Variants in ZNF653 observed in about 807,000 individuals in gnomAD.
ZNF653 encodes 67 kDa zinc finger protein.
ZNF653 carries 37 observed loss-of-function variants against 59.9 expected under a neutral mutation model. That is an observed-to-expected ratio of 0.62 (90% confidence interval 0.48 to 0.81). ZNF653 has a LOEUF of 0.81. ZNF653 is among the 40% of genes least tolerant of loss of function. ZNF653 has a pLI of 0.00. For synonymous variants in ZNF653, 435 were observed against 371.8 expected, an observed-to-expected ratio of 1.17 and a Z score of -1.96; for missense variants, 808 against 881.1, an observed-to-expected ratio of 0.92 and a Z score of 1.05.
At chr19:11,503,773 T>A (rs1327809204) in intron 1 of ZNF653, among the ~76,000 whole-genome samples, 1 of 152,076 alleles carries the variant, frequency 6.6e-6, no homozygotes, top group Non-Finnish European at 1.5e-5. Flanking sequence ...GCCACTGTAC[T>A]CTGGCCTGGG....
chr19:11,498,687 G>A (rs987897353), intron 1 of ZNF653, among the ~76,000 whole-genome samples: 1 of 151,792 alleles, frequency 6.6e-6, no homozygotes, highest in Non-Finnish European at 1.5e-5. Context: ...CAGGTGATCC[G>A]CCCACCTCAG....
intron 1 of ZNF653, among the ~76,000 whole-genome samples, chr19:11,501,159 A>C (rs1971639509): frequency 6.7e-6 from 1 of 148,624 alleles, no homozygotes. Flanking sequence ...CTTCCCCACC[A>C]GCCCCTTCCC....
chr19:11,489,418 C>T (rs10412897), intron 3 of ZNF653, among the ~76,000 whole-genome samples: 1,934 of 152,218 alleles, frequency 0.013, 37 homozygotes, highest in African/African-American at 0.044. Context: ...AGGCTGATCT[C>T]GAACTTCTGA....
intron 3 of ZNF653, among the ~76,000 whole-genome samples, chr19:11,494,581 T>C (rs1174912801): frequency 2.6e-5 from 4 of 151,848 alleles, no homozygotes; most frequent in African/African-American, 9.7e-5. Flanking sequence ...TCCCAGCTAC[T>C]AGGGAGGCTG....
chr19:11,490,885 G>A (rs1382065449), intron 3 of ZNF653, among the ~76,000 whole-genome samples: 4 of 152,126 alleles, frequency 2.6e-5, no homozygotes, highest in Admixed American at 6.5e-5. Flanking sequence ...CACTGCTCAC[G>A]GGTGTCCCTG....
At chr19:11,490,590 A>T (rs1387126013) in intron 3 of ZNF653, among the ~76,000 whole-genome samples, 1 of 151,436 alleles carries the variant, frequency 6.6e-6, no homozygotes, top group Non-Finnish European at 1.5e-5. Flanking sequence ...ATGGGTTTTC[A>T]TCATGTTGGT....
chr19:11,488,002 T>TTTATTTATTTATTTATTTATTTATTTA, intron 3 of ZNF653, 99 bp from the exon 4 acceptor site: 1 of 921,018 alleles, frequency 1.1e-6, no homozygotes, highest in African/African-American at 8.5e-5. Context: ...TTATTTATTT[T>TTTATTTATTTATTTATTTATTTATTTA]TTTGAGACAG....
At chr19:11,503,049 G>A (rs1003344339) in intron 1 of ZNF653, among the ~76,000 whole-genome samples, 1 of 148,558 alleles carries the variant, frequency 6.7e-6, no homozygotes, top group Non-Finnish European at 1.5e-5. Flanking sequence ...AAAAAAAGGT[G>A]GGGGGGGCAT....
At position 11,495,035 on chromosome 19, in the gene ZNF653, A is replaced by C. The variant is rs142120244; in HGVS notation, c.559+915T>G. On this transcript the variant is annotated intron_variant, in intron 3 of 8. Transcript: ENST00000293771. This position sits in a 1 kb window ranked among gnomAD's most constrained non-coding sequence, Gnocchi z 4.9. ...GTCGTTGGCGGGGGCGCCCACCCGGAACACCTCTCGCCCCCGGCTTCCCCT... is the reference window on the plus strand; with the variant it reads ...GTCGTTGGCGGGGGCGCCCACCCGGCACACCTCTCGCCCCCGGCTTCCCCT... 2.7e-3 allele frequency among the ~76,000 whole-genome samples: 414 copies of C among 152,224 alleles called. 3 individuals carry two copies. In the Middle Eastern group the frequency reaches 0.031, roughly 11 times the overall value.
At chr19:11,489,449 C>T (rs577164967) in intron 3 of ZNF653, among the ~76,000 whole-genome samples, 2 of 152,182 alleles carry the variant, frequency 1.3e-5, no homozygotes, top group African/African-American at 4.8e-5. Flanking sequence ...TCTGCCCGCC[C>T]GGGCCTCCCA....
rs775971221 is a variant in ZNF653, at chr19:11,487,052, G to A, written c.1278C>T (p.Asp426=). 1.1e-5 allele frequency: 18 copies of A among 1,613,978 alleles called. No individual in the cohort carries two copies. The East Asian group carries it at 2.2e-4, about 20-fold the overall frequency. The change falls in exon 5 of 9, where the codon GAC becomes GAT. Residue 426 remains aspartate (D), a synonymous_variant. Coordinates refer to ENST00000293771, the MANE Select transcript of ZNF653 (RefSeq NM_138783.4). The surrounding 1 kb of genome is among the most constrained non-coding windows in gnomAD (Gnocchi z 5.1). ...PESAEPEAEA[D]GEELDGSDMS... Reference sequence around the variant, plus strand: ...TGTCGCTGCCGTCCAGCTCCTCCCCGTCCGCCTCTGCCTCAGGCTCTGCGC... The same window carrying A: ...TGTCGCTGCCGTCCAGCTCCTCCCCATCCGCCTCTGCCTCAGGCTCTGCGC...
rs113942856 is a variant in ZNF653, at chr19:11,486,973, G to A, written c.1343+14C>T. 3.2e-3 allele frequency: 5,149 copies of A among 1,612,718 alleles called. 134 individuals carry two copies. The African/African-American group carries it at 0.06, about 19-fold the overall frequency. On this transcript the variant is annotated intron_variant, in intron 5 of 8. Coordinates refer to ENST00000293771, the MANE Select transcript of ZNF653 (RefSeq NM_138783.4). ...CTAGCCCTCGCCCTCACCCTTGCCC[G>A]CCCCGGCACCCACTTCTCAGGCTCC...
chr19:11,489,877 G>A (rs981251211), intron 3 of ZNF653, among the ~76,000 whole-genome samples: 6 of 152,216 alleles, frequency 3.9e-5, no homozygotes, highest in Admixed American at 3.3e-4. Context: ...GGAAGGCTTG[G>A]CCTGGGGCCT....
chr19:11,491,178 A>T (rs1043046733), intron 3 of ZNF653, among the ~76,000 whole-genome samples: 2 of 152,120 alleles, frequency 1.3e-5, no homozygotes, highest in Non-Finnish European at 2.9e-5. Flanking sequence ...CAGGCCAGCT[A>T]CTCACTAAAT....
In ZNF653 at chr19:11,487,292, C is replaced by T; in HGVS notation, c.1171G>A (p.Glu391Lys). 1.2e-6 allele frequency: 2 copies of T among 1,610,310 alleles called. No homozygotes were observed. The highest frequency in any genetic ancestry group is 2.2e-5 in the South Asian group (2 of 90,808). ...TAVAGIETKK[E>K]KEDLCLLKKE... ...AGAGGCCACGACAGGTCCCCCAGAC[C>T]TTTCTTGGTCTCGATGCCTGCTACT... Residue 391 changes from glutamate (E) to lysine (K), a missense_variant and splice_region_variant, in exon 4 of 9, where the codon GAG (glutamate) becomes AAG (lysine). Physicochemically the swap from Glu to Lys is moderately conservative, Grantham distance 56 (BLOSUM62 1). Transcript: ENST00000293771. The surrounding 1 kb of genome is among the most constrained non-coding windows in gnomAD (Gnocchi z 5.1).
intron 8 of ZNF653, 52 bp from the exon 9 acceptor site, chr19:11,483,911 G>T (rs1256827458): frequency 2.0e-6 from 3 of 1,513,370 alleles, no homozygotes; most frequent in East Asian, 4.9e-5. Context: ...GCGGGGCGGG[G>T]CGGGGCCCTA....
rs1599569428 is a variant in ZNF653 at position 11,502,288 on chromosome 19, T to C, written c.299+3200A>G. 2.0e-5 allele frequency among the ~76,000 whole-genome samples: 3 copies of C among 152,088 alleles called. No homozygotes were observed. In the East Asian group the frequency reaches 5.8e-4, roughly 29 times the overall value. On this transcript the variant is annotated intron_variant, in intron 1 of 8. Coordinates refer to ENST00000293771, the MANE Select transcript of ZNF653 (RefSeq NM_138783.4). ...TGCATTTTTAGTAGAGACAGGGTTT[T>C]GGCCTATTGGTCAGGCTGGTCTCAA...
At chr19:11,496,261 G>A in intron 2 of ZNF653, 96 bp from the exon 3 acceptor site, 23 of 1,242,880 alleles carry the variant, frequency 1.9e-5, no homozygotes, top group Non-Finnish European at 2.6e-5. Context: ...GGTCCCATGG[G>A]TTTGGAGGCC....
At chr19:11,498,449 A>G (rs1229339194) in intron 1 of ZNF653, 110 bp from the exon 2 acceptor site, 3 of 1,438,570 alleles carry the variant, frequency 2.1e-6, no homozygotes, top group Non-Finnish European at 2.9e-6. Context: ...CTGAAACTAA[A>G]TCTGAACTTT....
Sources: gnomAD v4.1 joint callset for allele counts (sites outside exome capture counted in the v4.1 genomes callset) on GRCh38, gnomAD v4.1.1 for gene constraint, Gnocchi (gnomAD v3.1) non-coding constraint, MANE v1.5 for transcripts, NCBI Gene and HGNC (gene_info 2026-07-23, HGNC 2026-07-21) for gene names.